Variants in ABCA13 observed in about 807,000 individuals in gnomAD.
ABCA13 encodes ATP-binding cassette sub-family A member 13.
ABCA13 carries 476 observed loss-of-function variants against 478.7 expected under a neutral mutation model. That is an observed-to-expected ratio of 0.99 (90% CI 0.92 to 1.07). The LOEUF is 1.07. Among genes scored for constraint, ABCA13 ranks in the 50% least tolerant of loss-of-function variants. The probability of loss-of-function intolerance (pLI) is 0.00; values close to 1 mark genes in which losing one functional copy is unlikely to be tolerated. For missense variants in ABCA13, 6,060 were observed against 5,910.6 expected, an observed-to-expected ratio of 1.03 and a Z score of -0.83; for synonymous variants, 2,252 against 2,158.9, an observed-to-expected ratio of 1.04 and a Z score of -1.20.
At chr7:48,618,441 G>A (rs528446645) in intron 59 of ABCA13, among the ~76,000 whole-genome samples, 31 of 152,240 alleles carry the variant, frequency 2.0e-4, no homozygotes, top group African/African-American at 5.1e-4. Context: ...TTAAAATATA[G>A]TGTGTTAATA....
At chr7:48,193,932 G>C (rs1283529586) in intron 2 of ABCA13, among the ~76,000 whole-genome samples, 1 of 43,232 alleles carries the variant, frequency 2.3e-5, no homozygotes, top group Admixed American at 2.3e-4. Context: ...TGACAATAAT[G>C]TAGATAATAG....
At chr7:48,248,173 G>C (rs1424021203) in intron 13 of ABCA13, 66 bp from the exon 14 acceptor site, 2 of 1,356,316 alleles carry the variant, frequency 1.5e-6, no homozygotes, top group Non-Finnish European at 2.0e-6. Flanking sequence ...GGTCAAGGCT[G>C]CGTCTCAAAT....
At chr7:48,624,056 TAGAG>T (rs1217292321) in intron 59 of ABCA13, among the ~76,000 whole-genome samples, 2 of 128,008 alleles carry the variant, frequency 1.6e-5, no homozygotes, top group Non-Finnish European at 3.3e-5. Context: ...GAGCACATGA[TAGAG>T]TGTGTGTGTG....
chr7:48,616,479 T>C (rs1361584432), intron 59 of ABCA13, among the ~76,000 whole-genome samples: 1 of 152,188 alleles, frequency 6.6e-6, no homozygotes, highest in Admixed American at 6.5e-5. Flanking sequence ...TGTTGGGTGA[T>C]TTATGTCTGA....
chr7:48,219,461 CA>C lies in ABCA13; in HGVS notation c.401del (p.Asn134ThrfsTer2), dbSNP rs2128962690. 2 of 1,612,670 alleles carry C rather than the reference CA, an allele frequency of 1.2e-6. No homozygotes were observed. Among genetic ancestry groups the C allele is most frequent in the East Asian group, 2.2e-5 (1 of 44,836 alleles). ...AEEIHGMMDK[A>X]KNLKRLWVER... The stretch of plus-strand genomic sequence containing the variant: ...GAAATTCATGGAATGATGGACAAGG[CA>C]AAAAACTTAAAAAGACTTTGGGTAG... On this transcript the variant is annotated frameshift_variant, in exon 4 of 62. Coordinates refer to ENST00000435803, the MANE Select transcript of ABCA13 (RefSeq NM_152701.5). LOFTEE classifies it high-confidence loss of function.
Position 48,643,285 on chromosome 7 carries a change from C to A in ABCA13, c.14838-3C>A. 1 of 1,582,162 alleles carries A rather than the reference C, an allele frequency of 6.3e-7. No homozygotes were observed. The highest frequency in any genetic ancestry group is 1.7e-4 in the Middle Eastern group (1 of 5,954). ...TCATGTTTCTATTTTATTTAACTCT[C>A]AGGTTTGGTGATGGTTATACAGTCA... On this transcript the variant is annotated splice_region_variant and splice_polypyrimidine_tract_variant and intron_variant, in intron 59 of 61. Transcript: ENST00000435803.
chr7:48,483,202 T>C lies in ABCA13; in HGVS notation c.13182+39T>C, dbSNP rs747558554. On this transcript the variant is annotated intron_variant, in intron 47 of 61. Coordinates refer to ENST00000435803, the MANE Select transcript of ABCA13 (RefSeq NM_152701.5). ...TTTATTTTTTTCCTGTTTTAGAAAG[T>C]ATTTAGGAAAACTCAACATTCAAAT... 2.6e-6 allele frequency: 4 copies of C among 1,532,732 alleles called. No individual in the cohort carries two copies. In the Admixed American group the frequency reaches 7.4e-5, roughly 28 times the overall value. 94.9% of individuals were successfully genotyped at this position (1,532,732 alleles called of 1,614,324 possible). A position where few individuals can be genotyped will look rare whatever the true frequency, so the allele number is the denominator to read the frequency against.
rs146229105 is a variant in ABCA13, at chr7:48,181,330, G to C, written c.69+9778G>C. Among the ~76,000 whole-genome samples, 781 of 152,118 alleles carry C rather than the reference G, an allele frequency of 5.1e-3. 3 individuals carry two copies. The highest frequency in any genetic ancestry group is 0.018 in the African/African-American group (739 of 41,534). On this transcript the variant is annotated intron_variant, in intron 1 of 61. Coordinates refer to ENST00000435803, the MANE Select transcript of ABCA13 (RefSeq NM_152701.5). ...TGCATGACAAGTATTTCTTTGGTTA[G>C]TTATCCTCTTTTTTTCTTATTTTTA...
At chr7:48,543,711 T>A (rs1393810066) in intron 55 of ABCA13, among the ~76,000 whole-genome samples, 2 of 151,814 alleles carry the variant, frequency 1.3e-5, no homozygotes, top group Middle Eastern at 3.2e-3. Context: ...ATAAACATTT[T>A]AAAAATAGTT....
intron 59 of ABCA13, among the ~76,000 whole-genome samples, chr7:48,631,969 G>C (rs995562031): frequency 6.6e-6 from 1 of 152,046 alleles, no homozygotes; most frequent in Non-Finnish European, 1.5e-5. Flanking sequence ...TCTCAGCTTG[G>C]TTGTTGTTAG....
chr7:48,368,553 T>C (rs914507410), intron 32 of ABCA13, among the ~76,000 whole-genome samples: 2 of 151,818 alleles, frequency 1.3e-5, no homozygotes, highest in African/African-American at 4.8e-5. Context: ...TGAGAACATA[T>C]GATGTTTGGT....
intron 31 of ABCA13, among the ~76,000 whole-genome samples, chr7:48,352,966 G>A (rs997837812): frequency 1.3e-5 from 2 of 151,936 alleles, no homozygotes; most frequent in South Asian, 4.1e-4. Context: ...GAGTTTGATT[G>A]TGTAATTTGG....
chr7:48,550,281 G>A lies in ABCA13; in HGVS notation c.14354+21936G>A, dbSNP rs754376187. 1.1e-4 allele frequency among the ~76,000 whole-genome samples: 13 copies of A among 117,650 alleles called. 1 individual carries two copies. Among genetic ancestry groups the A allele is most frequent in the Non-Finnish European group, 2.1e-4 (12 of 57,888 alleles). The allele number at this position is 117,650 out of a possible 152,430, so 77.2% of individuals were successfully genotyped here. A position where few individuals can be genotyped will look rare whatever the true frequency, so the allele number is the denominator to read the frequency against. ...TCTATTTTTCTTTTTTTTGGAAATG[G>A]AGTCTCGCTCTGTTGCCCAGGCTGG... On this transcript the variant is annotated intron_variant, in intron 55 of 61. Coordinates refer to ENST00000435803, the MANE Select transcript of ABCA13 (RefSeq NM_152701.5).
Position 48,279,497 on chromosome 7 carries a change from C to CA in ABCA13, c.8306dup (p.Asn2769LysfsTer2). The CA allele has an allele frequency of 6.2e-7, 1 of 1,612,854 alleles. No homozygotes were observed. Among genetic ancestry groups the CA allele is most frequent in the South Asian group, 1.1e-5 (1 of 90,890 alleles). ...GTGTTGATGACATTTACTCAGCATC[C>CA]AAATAACCTTTTGAAAACCATAGAA... On this transcript the variant is annotated frameshift_variant, in exon 18 of 62. Transcript: ENST00000435803. LOFTEE classifies it high-confidence loss of function.
At chr7:48,219,155 T>G (rs1786952888) in intron 3 of ABCA13, among the ~76,000 whole-genome samples, 199 bp from the exon 4 acceptor site, 1 of 152,224 alleles carries the variant, frequency 6.6e-6, no homozygotes, top group South Asian at 2.1e-4. Flanking sequence ...TTTTCTAATT[T>G]TAAATTTGTG....
At chr7:48,517,322 G>A (rs1374387308) in intron 52 of ABCA13, among the ~76,000 whole-genome samples, 4 of 152,140 alleles carry the variant, frequency 2.6e-5, no homozygotes, top group Admixed American at 2.6e-4. Context: ...TCGGGGCACA[G>A]CATGTCTGAA....
chr7:48,617,048 A>T (rs1382992670), intron 59 of ABCA13, among the ~76,000 whole-genome samples: 5 of 152,182 alleles, frequency 3.3e-5, no homozygotes, highest in Admixed American at 2.0e-4. Flanking sequence ...GTAAAATAAA[A>T]TAATTTGTAA....
rs1176461760 is a variant in ABCA13 at position 48,278,286 on chromosome 7, T to C, written c.7092T>C (p.Asp2364=). 1.2e-6 allele frequency: 2 copies of C among 1,612,714 alleles called. No homozygotes were observed. The highest frequency in any genetic ancestry group is 1.7e-6 in the Non-Finnish European group (2 of 1,179,116). The change falls in exon 18 of 62, where the codon GAT becomes GAC. Residue 2364 remains aspartate, a synonymous_variant. Transcript: ENST00000435803. The stretch of plus-strand genomic sequence containing the variant: ...ATCAAGGACTGAAGTTCATGCAAGA[T>C]TTATTTAATGCCCTTCTCAGGGAAA... ...DTHQGLKFMQ[D]LFNALLRETS... is the part of the protein sequence containing the mutation.
At chr7:48,590,283 AC>A (rs1789588010) in intron 57 of ABCA13, among the ~76,000 whole-genome samples, 1 of 152,020 alleles carries the variant, frequency 6.6e-6, no homozygotes, top group Non-Finnish European at 1.5e-5. Flanking sequence ...ACACACACAC[AC>A]ACACACACAG....
Sources: gnomAD v4.1 joint callset for allele counts (sites outside exome capture counted in the v4.1 genomes callset) on GRCh38, gnomAD v4.1.1 for gene constraint, MANE v1.5 for transcripts, NCBI Gene and HGNC (gene_info 2026-07-23, HGNC 2026-07-21) for gene names.